The following RASSF3 variants were observed in gnomAD, a reference collection of about 807,000 sequenced individuals.
RASSF3 encodes Ras association domain family member 3, also known as ras association domain-containing protein 3.
RASSF3 carries 19 observed loss-of-function variants against 19.9 expected under a neutral mutation model. The observed-to-expected ratio is 0.96, with a 90% confidence interval of 0.67 to 1.40. The LOEUF (loss-of-function observed/expected upper bound fraction) is 1.40, where lower values mean the gene tolerates loss of function less well. RASSF3 is among the 40% of genes most tolerant of loss of function. RASSF3 has a pLI of 0.00. For missense variants in RASSF3, 306 were observed against 289.8 expected, an observed-to-expected ratio of 1.06 and a Z score of -0.41; for synonymous variants, 110 against 104.2, an observed-to-expected ratio of 1.06 and a Z score of -0.34.
intron 1 of RASSF3, among the ~76,000 whole-genome samples, chr12:64,642,975 C>T (rs756273029): frequency 6.6e-6 from 1 of 151,638 alleles, no homozygotes; most frequent in Non-Finnish European, 1.5e-5. Flanking sequence ...AAGTGATTCT[C>T]GTGCCTCAGC....
At chr12:64,573,596 T>TC (rs1354594493) in intron 2 of RASSF3, among the ~76,000 whole-genome samples, 1 of 152,190 alleles carries the variant, frequency 6.6e-6, no homozygotes, top group Non-Finnish European at 1.5e-5. Context: ...TAGGGAAGGA[T>TC]CCACTTCCAA....
intron 1 of RASSF3, among the ~76,000 whole-genome samples, chr12:64,519,813 T>A (rs1258348175): frequency 6.6e-6 from 1 of 152,064 alleles, no homozygotes; most frequent in Non-Finnish European, 1.5e-5. Flanking sequence ...TATAAGCGCA[T>A]ATATGTGTGT....
rs554368121 is a variant in RASSF3, at chr12:64,684,788, A to G, written c.113A>G (p.Asp38Gly). The change falls in exon 2 of 5, where the codon GAT becomes GGT. Residue 38 changes from aspartate to glycine, a missense_variant and splice_region_variant. Coordinates refer to ENST00000542104, the MANE Select transcript of RASSF3 (RefSeq NM_178169.4). The stretch of plus-strand genomic sequence containing the variant: ...TGACATGTCTTGTTTTTCTTCTAGG[A>G]TGTTGAGAAAGAGAAGGAAACCCAC... ...PQGKPRSGQQDVEKEKETHSY... is the reference protein window; with the variant it reads ...PQGKPRSGQQGVEKEKETHSY... The G allele has an allele frequency of 6.2e-7, 1 of 1,601,416 alleles. No homozygotes were observed.
chr12:64,613,202 G>A (rs997172136), intron 1 of RASSF3, among the ~76,000 whole-genome samples: 1 of 142,552 alleles, frequency 7.0e-6, no homozygotes, highest in African/African-American at 2.6e-5. Context: ...TCTAACGTTA[G>A]ATAAGCCTTT....
chr12:64,589,921 G>A (rs1869888180), intron 2 of RASSF3, among the ~76,000 whole-genome samples: 1 of 150,148 alleles, frequency 6.7e-6, no homozygotes, highest in Non-Finnish European at 1.5e-5. Flanking sequence ...AGAATGGCTT[G>A]AACCCAGAAG....
chr12:64,559,007 C>T (rs894735145), intron 2 of RASSF3, among the ~76,000 whole-genome samples: 2 of 152,186 alleles, frequency 1.3e-5, no homozygotes, highest in Non-Finnish European at 2.9e-5. Flanking sequence ...TGGCTGCAGC[C>T]TGACCTTGCT....
chr12:64,579,831 A>G (rs1346304552), intron 2 of RASSF3, among the ~76,000 whole-genome samples: 5 of 144,670 alleles, frequency 3.5e-5, no homozygotes, highest in Non-Finnish European at 6.0e-5. Flanking sequence ...TTTTTTAAAG[A>G]CAGAGTATCG....
intron 1 of RASSF3, among the ~76,000 whole-genome samples, chr12:64,613,512 C>A (rs996777163): frequency 1.3e-5 from 2 of 152,048 alleles, no homozygotes; most frequent in South Asian, 4.2e-4. Flanking sequence ...TCTTCTCTTG[C>A]CAGGCAAGGG....
rs190765678 is a variant in RASSF3, at chr12:64,523,311, C to T, written c.169+15982C>T. 1.2e-3 allele frequency among the ~76,000 whole-genome samples: 183 copies of T among 152,186 alleles called. 1 individual carries two copies. The highest frequency in any genetic ancestry group is 4.2e-3 in the African/African-American group (175 of 41,520). On this transcript the variant is annotated intron_variant, in intron 1 of 5. Coordinates refer to the RASSF3 transcript ENST00000637125. Reference sequence around the variant, plus strand: ...ATCCCACCTACTTGGGAGGCTGAGACAGGAGAATCTCTTGAACCCGGGAGG... The same window carrying T: ...ATCCCACCTACTTGGGAGGCTGAGATAGGAGAATCTCTTGAACCCGGGAGG...
chr12:64,593,491 G>A (rs1001569075), intron 2 of RASSF3, among the ~76,000 whole-genome samples: 37 of 152,080 alleles, frequency 2.4e-4, no homozygotes, highest in Non-Finnish European at 4.0e-4. Context: ...AAAGTGCTGG[G>A]ATTACAGGCA....
intron 1 of RASSF3, among the ~76,000 whole-genome samples, chr12:64,509,051 CTGTT>C (rs1868311154): frequency 6.6e-6 from 1 of 152,066 alleles, no homozygotes; most frequent in South Asian, 2.1e-4. Context: ...GTTTAAGTCT[CTGTT>C]TATATGTACC....
upstream of RASSF3, among the ~76,000 whole-genome samples, chr12:64,531,193 T>C (rs1408561234): frequency 6.6e-6 from 1 of 152,218 alleles, no homozygotes; most frequent in Non-Finnish European, 1.5e-5. Context: ...CATTTAGCCT[T>C]ACGATCTACT....
chr12:64,632,291 A>G (rs1185812556), intron 1 of RASSF3, among the ~76,000 whole-genome samples: 1 of 152,050 alleles, frequency 6.6e-6, no homozygotes, highest in Non-Finnish European at 1.5e-5. Context: ...GCTGGAAAGG[A>G]GGGAGGGTTG....
At chr12:64,692,857 A>T (rs546590943) in intron 4 of RASSF3, among the ~76,000 whole-genome samples, 1 of 152,302 alleles carries the variant, frequency 6.6e-6, no homozygotes, top group African/African-American at 2.4e-5. Flanking sequence ...GATTACAGGC[A>T]TGAGCCACTG....
intron 1 of RASSF3, among the ~76,000 whole-genome samples, chr12:64,661,066 A>T (rs1012567130): frequency 3.3e-5 from 5 of 152,224 alleles, no homozygotes; most frequent in Non-Finnish European, 7.3e-5. Flanking sequence ...TTGTGGAAGG[A>T]AAGAGCCCTA....
In RASSF3 at chr12:64,558,356, C is replaced by G. The variant is rs142060837; in HGVS notation, c.294+16651C>G. Among the ~76,000 whole-genome samples the G allele has an allele frequency of 1.6e-3, 251 of 152,228 alleles. 1 individual carries two copies. The highest frequency in any genetic ancestry group is 2.5e-3 in the Non-Finnish European group (172 of 68,022). ...TTTTGCCTACTTGGTTGATCGGTACCTTTTCCATGGGAGATGCTTTCTGGT... is the reference window on the plus strand; with the variant it reads ...TTTTGCCTACTTGGTTGATCGGTACGTTTTCCATGGGAGATGCTTTCTGGT... On this transcript the variant is annotated intron_variant, in intron 2 of 5. Transcript: ENST00000637125.
rs1167888808 is a variant in RASSF3, at chr12:64,695,115, C to A, written c.*203C>A. The A allele has an allele frequency of 5.6e-6, 3 of 531,984 alleles. No homozygotes were observed. Among genetic ancestry groups the A allele is most frequent in the Non-Finnish European group, 9.9e-6 (3 of 301,756 alleles). 33.0% of individuals were successfully genotyped at this position (531,984 alleles called of 1,614,324 possible). The stretch of plus-strand genomic sequence containing the variant: ...TAAGGGACTCTGCAAGCTTGTTGTT[C>A]AGCACCGCAGTGTTACCTCTTGGCA... On this transcript the variant is annotated 3_prime_UTR_variant, in exon 5 of 5. Transcript: ENST00000542104.
intron 1 of RASSF3, among the ~76,000 whole-genome samples, chr12:64,658,159 T>A (rs1872224474): frequency 1.3e-5 from 2 of 152,340 alleles, no homozygotes; most frequent in South Asian, 4.1e-4. Flanking sequence ...TCTGGAAACC[T>A]AATTTAAAGT....
upstream of RASSF3, among the ~76,000 whole-genome samples, chr12:64,610,296 G>T (rs1870290950): frequency 6.6e-6 from 1 of 151,664 alleles, no homozygotes; most frequent in African/African-American, 2.4e-5. Context: ...ACGCTGTCGG[G>T]AGAAACCCGC....
Sources: gnomAD v4.1 joint callset for allele counts (sites outside exome capture counted in the v4.1 genomes callset) on GRCh38, gnomAD v4.1.1 for gene constraint, MANE v1.5 for transcripts, NCBI Gene and HGNC (gene_info 2026-07-23, HGNC 2026-07-21) for gene names.